The following PDPN variants were observed in gnomAD, a reference collection of about 807,000 sequenced individuals.
PDPN encodes the protein PA2.26 antigen.
A neutral mutation model predicts 23.2 loss-of-function variants in PDPN; 12 were observed. That is an observed-to-expected ratio of 0.52 (90% confidence interval 0.33 to 0.84). PDPN has a LOEUF of 0.84. Among genes scored for constraint, PDPN ranks in the 40% least tolerant of loss-of-function variants. PDPN has a pLI of 0.02. For synonymous variants in PDPN, 77 were observed against 76.7 expected (o/e 1.00, Z -0.02); for missense variants, 199 against 212.2 (o/e 0.94, Z 0.39).
intron 1 of PDPN, among the ~76,000 whole-genome samples, chr1:13,600,416 G>C (rs1640613703): frequency 6.6e-6 from 1 of 150,534 alleles, no homozygotes; most frequent in Admixed American, 6.6e-5. Flanking sequence ...CACCCAGGCT[G>C]GAGTGCAATG....
chr1:13,598,975 C>T lies in PDPN; in HGVS notation c.68-8198C>T, dbSNP rs558661137. On this transcript the variant is annotated intron_variant, in intron 1 of 5. Coordinates refer to ENST00000621990, the MANE Select transcript of PDPN (RefSeq NM_006474.5). ...TGCCGTGGAAGAGGGGAGGGGTACTCGCTTAAATGGACAGTCCAAGAAAGT... is the reference window on the plus strand; with the variant it reads ...TGCCGTGGAAGAGGGGAGGGGTACTTGCTTAAATGGACAGTCCAAGAAAGT... 1.1e-4 allele frequency among the ~76,000 whole-genome samples: 17 copies of T among 149,102 alleles called. No individual in the cohort carries two copies. In the East Asian group the frequency reaches 2.9e-3, roughly 26 times the overall value.
chr1:13,596,193 C>T (rs995111511), intron 1 of PDPN, among the ~76,000 whole-genome samples: 8 of 139,806 alleles, frequency 5.7e-5, no homozygotes, highest in African/African-American at 1.4e-4. Flanking sequence ...AGCAAGACTC[C>T]GTCTCAAAAA....
At chr1:13,608,139 C>A (rs1470669804) in intron 2 of PDPN, among the ~76,000 whole-genome samples, 1 of 152,090 alleles carries the variant, frequency 6.6e-6, no homozygotes, top group Admixed American at 6.6e-5. Flanking sequence ...CAGTCAGTCT[C>A]AATTTGTTTT....
chr1:13,602,547 A>G (rs935264072), intron 1 of PDPN, among the ~76,000 whole-genome samples: 4 of 152,178 alleles, frequency 2.6e-5, no homozygotes, highest in African/African-American at 4.8e-5. Context: ...GACTATTACA[A>G]TAACAGCCTG....
intron 1 of PDPN, chr1:13,585,436 A>G: frequency 8.0e-7 from 1 of 1,249,184 alleles, no homozygotes; most frequent in Non-Finnish European, 1.0e-6. Flanking sequence ...GAATATATAC[A>G]GTTCTGTATT....
chr1:13,584,698 G>A (rs1173762230), intron 1 of PDPN, among the ~76,000 whole-genome samples: 1 of 152,228 alleles, frequency 6.6e-6, no homozygotes, highest in Non-Finnish European at 1.5e-5. Context: ...GGATCCAAGT[G>A]GAGGCTTCCG....
intron 1 of PDPN, among the ~76,000 whole-genome samples, chr1:13,599,902 C>T (rs1640598512): frequency 6.6e-6 from 1 of 152,178 alleles, no homozygotes; most frequent in South Asian, 2.1e-4. Context: ...GCTGCCTTAA[C>T]TTGCACAGTT....
chr1:13,584,162 C>T, intron 1 of PDPN, 62 bp downstream of exon 1: 1 of 1,577,614 alleles, frequency 6.3e-7, no homozygotes, highest in Non-Finnish European at 8.6e-7. Context: ...CAGAGACTTG[C>T]TGGAATGCCC....
chr1:13,607,936 C>G (rs947489987), intron 2 of PDPN, among the ~76,000 whole-genome samples: 1 of 152,082 alleles, frequency 6.6e-6, no homozygotes, highest in African/African-American at 2.4e-5. Flanking sequence ...GAAACCTTGT[C>G]TCTATTAAAA....
rs556145884 is a variant in PDPN at position 13,615,103 on chromosome 1, C to T, written c.482+692C>T. Among the ~76,000 whole-genome samples the T allele has an allele frequency of 1.1e-3, 175 of 152,284 alleles. 1 individual carries two copies. The highest frequency in any genetic ancestry group is 4.0e-3 in the African/African-American group (166 of 41,552). On this transcript the variant is annotated intron_variant, in intron 5 of 5. Coordinates refer to ENST00000621990, the MANE Select transcript of PDPN (RefSeq NM_006474.5). Reference sequence around the variant, plus strand: ...CAGCCCATTCGGATTAGGAGTTCCACTGAGGATGGGGTCTTTTTCATTGAG... The same window carrying T: ...CAGCCCATTCGGATTAGGAGTTCCATTGAGGATGGGGTCTTTTTCATTGAG...
Position 13,583,901 on chromosome 1 carries a change from T to A in PDPN, c.-133T>A. ...GGGCACCCTCCCTCTCCGGGGCTCCTGCTCCCACCCCTCCGGCCCCCCCAC... is the reference window on the plus strand; with the variant it reads ...GGGCACCCTCCCTCTCCGGGGCTCCAGCTCCCACCCCTCCGGCCCCCCCAC... On this transcript the variant is annotated 5_prime_UTR_variant, in exon 1 of 6. Coordinates refer to ENST00000621990, the MANE Select transcript of PDPN (RefSeq NM_006474.5). 6.2e-7 allele frequency: 1 copy of A among 1,611,866 alleles called. No individual in the cohort carries two copies. Among genetic ancestry groups the A allele is most frequent in the South Asian group, 1.1e-5 (1 of 90,860 alleles).
intron 1 of PDPN, chr1:13,585,540 C>T (rs777172977): frequency 1.5e-6 from 2 of 1,351,648 alleles, no homozygotes; most frequent in Non-Finnish European, 2.0e-6. Context: ...ACTTCAGCAT[C>T]TCAGCCCTGC....
In PDPN at chr1:13,584,050, C is replaced by T. The variant is rs765486157; in HGVS notation, c.17C>T (p.Ala6Val). The change falls in exon 1 of 6, where the codon GCT (alanine) becomes GTT (valine). Residue 6 changes from alanine to valine, a missense_variant. Ala to Val is a moderately conservative substitution (Grantham distance 64). Transcript: ENST00000621990. ...ACGGGAACGATGTGGAAGGTGTCAG[C>T]TCTGCTCTTCGTTTTGGGAAGCGCG... MWKVS[A>V]LLFVLGSASL... 1.2e-6 allele frequency: 2 copies of T among 1,613,276 alleles called. No individual in the cohort carries two copies. Among genetic ancestry groups the T allele is most frequent in the African/African-American group, 1.3e-5 (1 of 75,074 alleles).
chr1:13,608,758 T>C, intron 2 of PDPN, among the ~76,000 whole-genome samples: 1 of 152,218 alleles, frequency 6.6e-6, no homozygotes, highest in East Asian at 1.9e-4. Context: ...GAAAGGGTTT[T>C]TTTATTCTTA....
At chr1:13,597,207 A>C (rs1230762683) in intron 1 of PDPN, among the ~76,000 whole-genome samples, 4 of 152,214 alleles carry the variant, frequency 2.6e-5, no homozygotes, top group African/African-American at 9.7e-5. Flanking sequence ...AGAGCTTCCC[A>C]GAATATGAAT....
In PDPN at chr1:13,616,045, CCT is replaced by C. The variant is rs1641066140; in HGVS notation, c.*138_*139del. The C allele has an allele frequency of 2.5e-6, 2 of 800,316 alleles. No homozygotes were observed. Among genetic ancestry groups the C allele is most frequent in the South Asian group, 3.1e-5 (2 of 65,446 alleles). 49.6% of individuals were successfully genotyped at this position (800,316 alleles called of 1,614,324 possible). ...CTGGCCCACTCAGAATCCACGGTGA[CCT>C]CTCCGCTTGCCAAAATAACCGAAGG... is the stretch of plus-strand genomic sequence containing the variant. On this transcript the variant is annotated 3_prime_UTR_variant, in exon 6 of 6. Transcript: ENST00000621990.
At chr1:13,586,071 G>A (rs1000109461) in intron 1 of PDPN, among the ~76,000 whole-genome samples, 9 of 152,088 alleles carry the variant, frequency 5.9e-5, no homozygotes, top group African/African-American at 1.4e-4. Context: ...ATTGTCAGGC[G>A]CCACCCTCAT....
At chr1:13,604,460 C>T (rs961940285) in intron 1 of PDPN, among the ~76,000 whole-genome samples, 4 of 152,190 alleles carry the variant, frequency 2.6e-5, no homozygotes, top group African/African-American at 9.6e-5. Flanking sequence ...ATTCATAAAA[C>T]GCCTTTTGTC....
chr1:13,614,906 G>A (rs371971295), intron 5 of PDPN: 26 of 482,062 alleles, frequency 5.4e-5, no homozygotes, highest in African/African-American at 4.8e-4. Context: ...AGCCAGAGGT[G>A]GCTTGTAAGT....
Sources: gnomAD v4.1 joint callset for allele counts (sites outside exome capture counted in the v4.1 genomes callset) on GRCh38, gnomAD v4.1.1 for gene constraint, MANE v1.5 for transcripts, NCBI Gene and HGNC (gene_info 2026-07-23, HGNC 2026-07-21) for gene names.